The following TMEM17 variants were observed in gnomAD, a reference collection of about 807,000 sequenced individuals.
The protein encoded by TMEM17 is transmembrane protein 17.
TMEM17 carries 15 observed loss-of-function variants against 19.1 expected under a neutral mutation model. The ratio of observed to expected loss-of-function variants is 0.78; its 90% confidence interval spans 0.52 to 1.21. The LOEUF is 1.21. TMEM17 is among the 50% of genes most tolerant of loss of function. TMEM17 has a pLI of 0.00. For synonymous variants in TMEM17, 103 were observed against 86.9 expected, an observed-to-expected ratio of 1.19 and a Z score of -1.03; for missense variants, 245 against 242.3, an observed-to-expected ratio of 1.01 and a Z score of -0.07.
At chr2:62,496,324 G>T (rs187112783), downstream of TMEM17, among the ~76,000 whole-genome samples, 2 of 152,236 alleles carry the variant, frequency 1.3e-5, no homozygotes, top group African/African-American at 4.8e-5. Flanking sequence ...TAATTAAAAG[G>T]AATCATCTGA....
chr2:62,501,070 C>T lies in TMEM17; in HGVS notation c.*139G>A. On this transcript the variant is annotated 3_prime_UTR_variant, in exon 4 of 4. Coordinates refer to ENST00000335390, the MANE Select transcript of TMEM17 (RefSeq NM_198276.3). ...TATACTGTACAAAGTTTCATCATTG[C>T]CCCCAACCTTGGAATTTCAGAGTGA... The T allele has an allele frequency of 1.0e-6, 1 of 957,760 alleles. No homozygotes were observed. Among genetic ancestry groups the T allele is most frequent in the Non-Finnish European group, 1.5e-6 (1 of 650,680 alleles). 59.3% of individuals were successfully genotyped at this position (957,760 alleles called of 1,614,324 possible).
chr2:62,471,676 G>T, the TMEM17 span, among the ~76,000 whole-genome samples: 1 of 152,210 alleles, frequency 6.6e-6, no homozygotes, highest in African/African-American at 2.4e-5. Context: ...GAGGAGCTTG[G>T]TCTGAATCTT....
chr2:62,471,490 G>T, the TMEM17 span, among the ~76,000 whole-genome samples: 1 of 152,240 alleles, frequency 6.6e-6, no homozygotes, highest in Non-Finnish European at 1.5e-5. Context: ...GTTCAAAGGA[G>T]TTCAAAGAAC....
chr2:62,493,626 G>T, the TMEM17 span, among the ~76,000 whole-genome samples: 2 of 152,176 alleles, frequency 1.3e-5, no homozygotes, highest in Admixed American at 1.3e-4. Flanking sequence ...GTGCGCATGT[G>T]TAAAATGTAT....
the TMEM17 span, among the ~76,000 whole-genome samples, chr2:62,454,766 C>T: frequency 3.3e-5 from 5 of 152,250 alleles, no homozygotes; most frequent in Admixed American, 6.5e-5. Flanking sequence ...TGCAGTGGCA[C>T]GATCTCAGCT....
At chr2:62,468,559 G>T in the TMEM17 span, among the ~76,000 whole-genome samples, 1 of 152,212 alleles carries the variant, frequency 6.6e-6, no homozygotes, top group East Asian at 1.9e-4. Flanking sequence ...ATAGAACTGT[G>T]TGTATGTGGG....
chr2:62,457,782 A>C, the TMEM17 span, among the ~76,000 whole-genome samples: 1 of 152,200 alleles, frequency 6.6e-6, no homozygotes, highest in East Asian at 1.9e-4. This position sits in a 1 kb window ranked among gnomAD's most constrained non-coding sequence, Gnocchi z 4.2. Flanking sequence ...TCTCACTTTT[A>C]TCTGTGGCCT....
the TMEM17 span, among the ~76,000 whole-genome samples, chr2:62,479,815 C>T: frequency 7.0e-6 from 1 of 142,092 alleles, no homozygotes; most frequent in Non-Finnish European, 1.5e-5. Flanking sequence ...TGAGCACAGG[C>T]TGTTGAGGCT....
chr2:62,482,616 C>G, the TMEM17 span, among the ~76,000 whole-genome samples: 3 of 152,280 alleles, frequency 2.0e-5, no homozygotes, highest in East Asian at 3.9e-4. Context: ...TAGGCCTTGA[C>G]CCAGGCTGGG....
chr2:62,497,912 A>G (rs772119054), downstream of TMEM17, among the ~76,000 whole-genome samples: 3 of 152,158 alleles, frequency 2.0e-5, no homozygotes, highest in Non-Finnish European at 2.9e-5. Context: ...CTCATTCAAC[A>G]CACTTCCCTC....
the TMEM17 span, among the ~76,000 whole-genome samples, chr2:62,468,704 A>T: frequency 6.6e-6 from 1 of 152,254 alleles, no homozygotes; most frequent in Admixed American, 6.5e-5. Flanking sequence ...TGATAAGCAG[A>T]CAGTCCCATA....
rs1679897901 is a variant in TMEM17 at position 62,500,474 on chromosome 2, C to T, written c.*735G>A. The T allele has an allele frequency of 6.6e-6, 1 of 152,080 alleles. No individual in the cohort carries two copies. Among genetic ancestry groups the T allele is most frequent in the African/African-American group, 2.4e-5 (1 of 41,402 alleles). The allele number at this position is 152,080 out of a possible 1,614,324, so 9.4% of individuals were successfully genotyped here. ...TTTATTTATTTTTTTGAGATGGAGTCTTGCTCTGTCACCCAGGATGGAGTA... is the reference window on the plus strand; with the variant it reads ...TTTATTTATTTTTTTGAGATGGAGTTTTGCTCTGTCACCCAGGATGGAGTA... On this transcript the variant is annotated 3_prime_UTR_variant, in exon 4 of 4. Transcript: ENST00000335390.
the TMEM17 span, among the ~76,000 whole-genome samples, chr2:62,459,320 G>A: frequency 5.9e-5 from 9 of 152,178 alleles, no homozygotes; most frequent in Non-Finnish European, 1.0e-4. Flanking sequence ...CCTTACTTAC[G>A]TCACTGAAAT....
the TMEM17 span, among the ~76,000 whole-genome samples, chr2:62,461,647 G>T: frequency 6.6e-6 from 1 of 152,142 alleles, no homozygotes; most frequent in Non-Finnish European, 1.5e-5. Flanking sequence ...AGAACCCTCT[G>T]GGGGCGTCTA....
At chr2:62,457,211 G>T in the TMEM17 span, among the ~76,000 whole-genome samples, 1 of 152,236 alleles carries the variant, frequency 6.6e-6, no homozygotes, top group East Asian at 1.9e-4. This position sits in a 1 kb window ranked among gnomAD's most constrained non-coding sequence, Gnocchi z 4.2. Flanking sequence ...GCCCCCTGCC[G>T]TGCGGGCTGC....
At chr2:62,468,854 C>T in the TMEM17 span, among the ~76,000 whole-genome samples, 3 of 152,202 alleles carry the variant, frequency 2.0e-5, no homozygotes, top group African/African-American at 7.2e-5. Context: ...GGCATGGTAG[C>T]TAGAGCTAGC....
the TMEM17 span, among the ~76,000 whole-genome samples, chr2:62,494,465 C>G: frequency 2.0e-5 from 3 of 152,006 alleles, no homozygotes; most frequent in Admixed American, 2.0e-4. Context: ...ATTAATGAAT[C>G]AAGCATTTAA....
chr2:62,467,398 C>T, the TMEM17 span, among the ~76,000 whole-genome samples: 1 of 152,170 alleles, frequency 6.6e-6, no homozygotes, highest in Non-Finnish European at 1.5e-5. Flanking sequence ...GAAAGTCCCA[C>T]AAAAAGTCCC....
At chr2:62,462,541 G>C in the TMEM17 span, among the ~76,000 whole-genome samples, 1 of 152,146 alleles carries the variant, frequency 6.6e-6, no homozygotes, top group African/African-American at 2.4e-5. Flanking sequence ...TCCCAGTACA[G>C]TGCTACCCCA....
Sources: gnomAD v4.1 joint callset for allele counts (sites outside exome capture counted in the v4.1 genomes callset) on GRCh38, gnomAD v4.1.1 for gene constraint, Gnocchi (gnomAD v3.1) non-coding constraint, MANE v1.5 for transcripts, NCBI Gene and HGNC (gene_info 2026-07-23, HGNC 2026-07-21) for gene names.